The following DOCK3 variants were observed in gnomAD, a reference collection of about 807,000 sequenced individuals.
The protein encoded by DOCK3 is dedicator of cytokinesis 3.
In DOCK3, 60 loss-of-function variants were observed where a neutral mutation model predicts 265.6. That is an observed-to-expected ratio of 0.23 (90% CI 0.18 to 0.28). The LOEUF (loss-of-function observed/expected upper bound fraction) is 0.28. DOCK3 is among the 10% of genes least tolerant of loss of function. The pLI is 1.00. For missense variants in DOCK3, 1,981 were observed against 2,594.3 expected (o/e 0.76, Z 5.14); for synonymous variants, 881 against 938.0 (o/e 0.94, Z 1.11).
At chr3:50,788,521 G>A (rs543830692) in intron 2 of DOCK3, among the ~76,000 whole-genome samples, 4 of 152,328 alleles carry the variant, frequency 2.6e-5, no homozygotes, top group African/African-American at 9.6e-5. Flanking sequence ...AACTACAAGG[G>A]ACTTGGTGCA....
chr3:50,787,965 C>T (rs2042273274), intron 2 of DOCK3: 7 of 894,956 alleles, frequency 7.8e-6, no homozygotes, highest in Non-Finnish European at 1.1e-5. Flanking sequence ...TCCTCTTCTT[C>T]CTCCTCCTCT....
intron 49 of DOCK3, among the ~76,000 whole-genome samples, chr3:51,371,536 CA>C (rs2087677264): frequency 6.6e-6 from 1 of 152,142 alleles, no homozygotes; most frequent in Non-Finnish European, 1.5e-5. Flanking sequence ...CTGATACTTT[CA>C]AATGTATGTA....
At chr3:51,165,973 C>T (rs776727998) in intron 12 of DOCK3, among the ~76,000 whole-genome samples, 9 of 149,236 alleles carry the variant, frequency 6.0e-5, no homozygotes, top group African/African-American at 2.0e-4. Flanking sequence ...TCCGTCACTT[C>T]CCATTGTAAT....
intron 2 of DOCK3, among the ~76,000 whole-genome samples, chr3:50,834,449 C>A (rs1288497664): frequency 6.6e-6 from 1 of 152,046 alleles, no homozygotes; most frequent in Non-Finnish European, 1.5e-5. Context: ...AGGAGTTTTT[C>A]ATAATTTTAG....
chr3:51,034,968 A>T (rs1309912784), intron 5 of DOCK3, among the ~76,000 whole-genome samples: 1 of 151,700 alleles, frequency 6.6e-6, no homozygotes, highest in Non-Finnish European at 1.5e-5. Flanking sequence ...GCTCTATGTG[A>T]TTCATTGTTT....
chr3:50,996,899 A>T (rs1169895690), intron 5 of DOCK3, among the ~76,000 whole-genome samples: 1 of 152,150 alleles, frequency 6.6e-6, no homozygotes, highest in Non-Finnish European at 1.5e-5. Flanking sequence ...CTATTTGCCC[A>T]TTTGCTGAAG....
intron 2 of DOCK3, among the ~76,000 whole-genome samples, chr3:50,820,536 G>A (rs550075244): frequency 8.5e-5 from 13 of 152,232 alleles, no homozygotes; most frequent in Admixed American, 7.2e-4. Flanking sequence ...AGTATTCCAC[G>A]GATTATATGT....
chr3:50,855,627 CT>C (rs749939697), intron 3 of DOCK3, among the ~76,000 whole-genome samples: 1 of 152,100 alleles, frequency 6.6e-6, no homozygotes. Context: ...TTGACTTCTT[CT>C]TTTCCTATTT....
At chr3:51,346,553 G>T (rs995302530) in intron 38 of DOCK3, among the ~76,000 whole-genome samples, 2 of 152,162 alleles carry the variant, frequency 1.3e-5, no homozygotes, top group African/African-American at 4.8e-5. Context: ...TGGACATCTG[G>T]GTTGGTTCCA....
chr3:50,778,736 C>A lies in DOCK3; in HGVS notation c.99C>A (p.Val33=), dbSNP rs1164289859. ...QGLVLEIGET[V]QILEKCEGWY... The stretch of plus-strand genomic sequence containing the variant: ...TGGTCTTAGAAATAGGAGAAACAGT[C>A]CAGATTCTTGAAAAATGTGAAGGTG... Residue 33 remains valine (V), a synonymous_variant, in exon 2 of 53, where the codon GTC becomes GTA. Coordinates refer to ENST00000266037, the MANE Select transcript of DOCK3 (RefSeq NM_004947.5). 2 of 1,583,166 alleles carry A rather than the reference C, an allele frequency of 1.3e-6. No individual in the cohort carries two copies. Among genetic ancestry groups the A allele is most frequent in the Non-Finnish European group, 1.7e-6 (2 of 1,163,418 alleles).
chr3:50,933,841 G>T, intron 4 of DOCK3, 140 bp from the exon 5 acceptor site: 2 of 538,784 alleles, frequency 3.7e-6, no homozygotes, highest in South Asian at 3.5e-5. Flanking sequence ...TTATAAAAAG[G>T]TCTTTGATCA....
chr3:51,381,676 G>C lies in DOCK3; in HGVS notation c.*117G>C. On this transcript the variant is annotated 3_prime_UTR_variant, in exon 53 of 53. Transcript: ENST00000266037. This position sits in a 1 kb window ranked among gnomAD's most constrained non-coding sequence, Gnocchi z 5.6. ...GAGCCAGAGAGGCTTGCACTCAGGAGAGAACCACCCCCAAGTCTCCGTTCT... is the reference window on the plus strand; with the variant it reads ...GAGCCAGAGAGGCTTGCACTCAGGACAGAACCACCCCCAAGTCTCCGTTCT... 2 of 1,359,754 alleles carry C rather than the reference G, an allele frequency of 1.5e-6. No homozygotes were observed. The highest frequency in any genetic ancestry group is 1.9e-6 in the Non-Finnish European group (2 of 1,033,954). 84.2% of individuals were successfully genotyped at this position (1,359,754 alleles called of 1,614,324 possible). A position where few individuals can be genotyped will look rare whatever the true frequency, so the allele number is the denominator to read the frequency against.
intron 27 of DOCK3, among the ~76,000 whole-genome samples, chr3:51,286,445 A>G (rs1010696886): frequency 8.5e-5 from 13 of 152,214 alleles, no homozygotes; most frequent in Admixed American, 5.9e-4. Context: ...TACCAATGAC[A>G]TTTCTCACAG....
chr3:50,773,170 C>T (rs2041380505), intron 1 of DOCK3, among the ~76,000 whole-genome samples: 1 of 151,992 alleles, frequency 6.6e-6, no homozygotes, highest in African/African-American at 2.4e-5. Context: ...AAGGTGCCAA[C>T]AATACTCATT....
intron 20 of DOCK3, among the ~76,000 whole-genome samples, chr3:51,237,131 T>C (rs2078380408): frequency 6.6e-6 from 1 of 152,190 alleles, no homozygotes; most frequent in African/African-American, 2.4e-5. Flanking sequence ...AAGCTTTTTT[T>C]CCTCTCTTTT....
intron 26 of DOCK3, among the ~76,000 whole-genome samples, chr3:51,279,463 G>A (rs1451950395): frequency 6.6e-6 from 1 of 152,134 alleles, no homozygotes; most frequent in Non-Finnish European, 1.5e-5. Flanking sequence ...AGTCCTTAAA[G>A]CAGGATTTTA....
Position 51,357,004 on chromosome 3 carries a change from A to C in DOCK3, c.4546A>C (p.Asn1516His), listed in dbSNP as rs1343089771. The C allele has an allele frequency of 6.2e-7, 1 of 1,613,412 alleles. No homozygotes were observed. The highest frequency in any genetic ancestry group is 8.5e-7 in the Non-Finnish European group (1 of 1,179,880). ...GGAGAATGCCATCCAAGTGGTTGAG[A>C]ATAAGAACCAGGAGCTACGCTCCCT... Reference protein sequence around the residue: ...PLENAIQVVENKNQELRSLIS... With the variant: ...PLENAIQVVEHKNQELRSLIS... Residue 1516 changes from asparagine to histidine, a missense_variant, in exon 44 of 53, where the codon AAT becomes CAT. Physicochemically the swap from Asn to His is moderately conservative, Grantham distance 68. Transcript: ENST00000266037.
At chr3:51,288,971 G>C (rs895905068) in intron 27 of DOCK3, among the ~76,000 whole-genome samples, 1 of 151,788 alleles carries the variant, frequency 6.6e-6, no homozygotes, top group African/African-American at 2.4e-5. Context: ...GAAGTAAAGA[G>C]ACAGAGGAAA....
At chr3:50,864,369 T>C (rs2047044419) in intron 3 of DOCK3, among the ~76,000 whole-genome samples, 1 of 152,248 alleles carries the variant, frequency 6.6e-6, no homozygotes, top group Admixed American at 6.5e-5. Context: ...ATGGATAATT[T>C]GCAGATTATT....
Sources: gnomAD v4.1 joint callset for allele counts (sites outside exome capture counted in the v4.1 genomes callset) on GRCh38, gnomAD v4.1.1 for gene constraint, Gnocchi (gnomAD v3.1) non-coding constraint, MANE v1.5 for transcripts, NCBI Gene and HGNC (gene_info 2026-07-23, HGNC 2026-07-21) for gene names.